The following TMEM178B variants were observed in gnomAD, a reference collection of about 807,000 sequenced individuals.
The protein encoded by TMEM178B is transmembrane protein 178B.
Under a neutral mutation model 31.0 loss-of-function variants are expected in TMEM178B, and 5 were observed. The observed-to-expected ratio is 0.16, with a 90% CI of 0.08 to 0.34. TMEM178B has a LOEUF of 0.34. Ranked by LOEUF, TMEM178B falls within the 10% of genes least tolerant of loss-of-function variation. The pLI, the probability that TMEM178B is intolerant of heterozygous loss-of-function variation, is 1.00. For missense variants in TMEM178B, 275 were observed against 400.3 expected (o/e 0.69, Z 2.67); for synonymous variants, 164 against 164.0 (o/e 1.00, Z 0.00).
chr7:141,346,146 AG>A (rs1799616490), intron 2 of TMEM178B, among the ~76,000 whole-genome samples: 1 of 151,376 alleles, frequency 6.6e-6, no homozygotes, highest in Admixed American at 6.6e-5. Flanking sequence ...GCGAGAACCC[AG>A]GAAGTGGAGC....
chr7:141,338,716 G>A (rs571596809), intron 2 of TMEM178B, among the ~76,000 whole-genome samples: 1 of 152,218 alleles, frequency 6.6e-6, no homozygotes, highest in Admixed American at 6.5e-5. Flanking sequence ...GCCAGCCACT[G>A]GCCTATGCAG....
intron 2 of TMEM178B, among the ~76,000 whole-genome samples, chr7:141,300,272 G>A (rs1399910040): frequency 6.6e-6 from 1 of 152,290 alleles, no homozygotes; most frequent in Admixed American, 6.5e-5. Flanking sequence ...CCACTGGCAG[G>A]CATTGAATCC....
chr7:141,501,968 CT>C, the TMEM178B span, among the ~76,000 whole-genome samples: 2 of 152,158 alleles, frequency 1.3e-5, no homozygotes, highest in African/African-American at 4.8e-5. Context: ...AAGGAATCAC[CT>C]GGGCTTGCAC....
chr7:141,459,962 A>G (rs1049195881), intron 3 of TMEM178B, among the ~76,000 whole-genome samples: 1 of 150,274 alleles, frequency 6.7e-6, no homozygotes, highest in Non-Finnish European at 1.5e-5. Flanking sequence ...AAAAAAAAAA[A>G]GAACACAAGA....
intron 2 of TMEM178B, among the ~76,000 whole-genome samples, chr7:141,239,993 T>A (rs993034937): frequency 2.0e-5 from 3 of 152,264 alleles, no homozygotes; most frequent in African/African-American, 7.2e-5. Flanking sequence ...TTTAATAACA[T>A]AGTTTAACTT....
intron 1 of TMEM178B, among the ~76,000 whole-genome samples, chr7:141,119,892 T>C (rs1049353832): frequency 6.6e-6 from 1 of 152,208 alleles, no homozygotes; most frequent in Admixed American, 6.5e-5. Flanking sequence ...AGGGCAGAGC[T>C]CTGCCATCAC....
chr7:141,273,007 T>G (rs961678841), intron 2 of TMEM178B, among the ~76,000 whole-genome samples: 2 of 152,198 alleles, frequency 1.3e-5, no homozygotes, highest in Non-Finnish European at 2.9e-5. Context: ...ATGTAACATA[T>G]GCGCACATAT....
At chr7:141,202,809 G>A (rs746582440) in intron 1 of TMEM178B, among the ~76,000 whole-genome samples, 2 of 152,140 alleles carry the variant, frequency 1.3e-5, no homozygotes, top group Non-Finnish European at 2.9e-5. Flanking sequence ...GAGAGCTCCT[G>A]TCAACATTGC....
At chr7:141,342,818 T>C (rs754230005) in intron 2 of TMEM178B, among the ~76,000 whole-genome samples, 9 of 152,244 alleles carry the variant, frequency 5.9e-5, no homozygotes, top group Non-Finnish European at 1.2e-4. Context: ...TTCTCTCAGC[T>C]TGATTGACTG....
chr7:141,470,592 T>C lies in TMEM178B; in HGVS notation c.691T>C (p.Ser231Pro). 6.5e-7 allele frequency: 1 copy of C among 1,535,244 alleles called. No individual in the cohort carries two copies. The highest frequency in any genetic ancestry group is 1.2e-5 in the South Asian group (1 of 83,860). The part of the protein sequence containing the change: ...TCVAGINFEL[S>P]RYPRYLYGLP... ...TGTGGCCGGGATCAACTTTGAGCTGTCACGCTACCCACGCTACCTGTACGG... is the reference window on the plus strand; with the variant it reads ...TGTGGCCGGGATCAACTTTGAGCTGCCACGCTACCCACGCTACCTGTACGG... The change falls in exon 4 of 4, where the codon TCA (serine) becomes CCA (proline). Residue 231 changes from serine to proline, a missense_variant. Ser to Pro is a moderately conservative substitution (Grantham distance 74). Transcript: ENST00000565468.
chr7:141,226,524 GT>G (rs1475350221), intron 2 of TMEM178B, among the ~76,000 whole-genome samples: 1 of 152,134 alleles, frequency 6.6e-6, no homozygotes, highest in African/African-American at 2.4e-5. Context: ...TACAGCTACT[GT>G]TTAGCTTGGC....
chr7:141,492,250 T>A, the TMEM178B span, among the ~76,000 whole-genome samples: 1 of 152,168 alleles, frequency 6.6e-6, no homozygotes, highest in African/African-American at 2.4e-5. Flanking sequence ...TCGCTCCTAA[T>A]CATCCTTCAG....
At chr7:141,201,264 C>T (rs1434635472) in intron 1 of TMEM178B, among the ~76,000 whole-genome samples, 1 of 152,146 alleles carries the variant, frequency 6.6e-6, no homozygotes, top group Non-Finnish European at 1.5e-5. Flanking sequence ...AGCCGGTGGC[C>T]CTACTGGGTT....
At chr7:141,151,443 C>A (rs1795971202) in intron 1 of TMEM178B, among the ~76,000 whole-genome samples, 1 of 152,110 alleles carries the variant, frequency 6.6e-6, no homozygotes, top group African/African-American at 2.4e-5. Context: ...CCAGCTGAGT[C>A]TGACTCTCAA....
At position 141,137,632 on chromosome 7, in the gene TMEM178B, C is replaced by T. The variant is rs80322225; in HGVS notation, c.382+62940C>T. 4.7e-4 allele frequency among the ~76,000 whole-genome samples: 72 copies of T among 152,160 alleles called. No homozygotes were observed. In the East Asian group the frequency reaches 0.013, roughly 28 times the overall value. ...AATATAATAGGGTGGCTATAGTTAA[C>T]CATAATTTATTGTATATTTCAAAAT... On this transcript the variant is annotated intron_variant, in intron 1 of 3. Coordinates refer to ENST00000565468, the MANE Select transcript of TMEM178B (RefSeq NM_001195278.2).
At chr7:141,211,626 G>A (rs893986740) in intron 1 of TMEM178B, among the ~76,000 whole-genome samples, 1 of 152,124 alleles carries the variant, frequency 6.6e-6, no homozygotes, top group African/African-American at 2.4e-5. Context: ...AGATGAGCAA[G>A]CGTCAATAGA....
intron 2 of TMEM178B, among the ~76,000 whole-genome samples, chr7:141,287,042 A>G (rs1798458190): frequency 6.6e-6 from 1 of 152,154 alleles, no homozygotes; most frequent in African/African-American, 2.4e-5. Flanking sequence ...GTCTAGTCTC[A>G]GTAATAATTG....
intron 2 of TMEM178B, among the ~76,000 whole-genome samples, chr7:141,294,255 A>G (rs184214505): frequency 6.6e-6 from 1 of 152,342 alleles, no homozygotes; most frequent in East Asian, 1.9e-4. Context: ...ACAGAAATAA[A>G]GATGTAGTTT....
intron 1 of TMEM178B, among the ~76,000 whole-genome samples, chr7:141,164,786 T>C (rs1796233771): frequency 6.6e-6 from 1 of 152,080 alleles, no homozygotes; most frequent in Admixed American, 6.5e-5. Flanking sequence ...AAGAGGGCAA[T>C]GAGTGTCGTC....
Sources: gnomAD v4.1 joint callset for allele counts (sites outside exome capture counted in the v4.1 genomes callset) on GRCh38, gnomAD v4.1.1 for gene constraint, MANE v1.5 for transcripts, NCBI Gene and HGNC (gene_info 2026-07-23, HGNC 2026-07-21) for gene names.